GBE1: variants seen among roughly 807,000 people sequenced by gnomAD.
GBE1 encodes the protein 1,4-alpha-glucan branching enzyme 1.
Under a neutral mutation model 88.8 loss-of-function variants are expected in GBE1, and 70 were observed. The observed-to-expected ratio is 0.79, with a 90% CI of 0.65 to 0.96. The LOEUF (loss-of-function observed/expected upper bound fraction) is 0.96, where lower values mean the gene tolerates loss of function less well. Among genes scored for constraint, GBE1 ranks in the 40% least tolerant of loss-of-function variants. The probability of loss-of-function intolerance (pLI) is 0.00; values close to 1 mark genes in which losing one functional copy is unlikely to be tolerated. For missense variants in GBE1, 872 were observed against 871.0 expected (o/e 1.00, Z -0.01); for synonymous variants, 284 against 300.1 (o/e 0.95, Z 0.56).
At chr3:81,675,595 T>C (rs1374704064) in intron 2 of GBE1, among the ~76,000 whole-genome samples, 1 of 151,986 alleles carries the variant, frequency 6.6e-6, no homozygotes, top group Admixed American at 6.6e-5. Context: ...GATAACAAAA[T>C]GAATAAAAAT....
intron 3 of GBE1, among the ~76,000 whole-genome samples, chr3:81,659,696 A>T (rs960047462): frequency 1.4e-5 from 2 of 147,592 alleles, no homozygotes; most frequent in African/African-American, 2.5e-5. Context: ...AATATAAAGC[A>T]TGGAGGGAAA....
intron 7 of GBE1, among the ~76,000 whole-genome samples, chr3:81,605,377 T>A (rs187687902): frequency 6.6e-6 from 1 of 152,230 alleles, no homozygotes; most frequent in Admixed American, 6.5e-5. Flanking sequence ...AGTTCCAACA[T>A]CCAGGCATGT....
chr3:81,760,195 A>G (rs965868802), intron 1 of GBE1, among the ~76,000 whole-genome samples: 2 of 152,230 alleles, frequency 1.3e-5, no homozygotes, highest in African/African-American at 4.8e-5. Flanking sequence ...TATTTTACAG[A>G]GGCCTCATTC....
At chr3:81,511,639 G>A (rs1028308603) in intron 14 of GBE1, among the ~76,000 whole-genome samples, 6 of 151,604 alleles carry the variant, frequency 4.0e-5, no homozygotes, top group South Asian at 2.1e-4. Context: ...ATGAGAGACC[G>A]TTTTACACCA....
intron 12 of GBE1, among the ~76,000 whole-genome samples, chr3:81,576,209 A>G (rs1703645273): frequency 6.6e-6 from 1 of 151,792 alleles, no homozygotes; most frequent in Non-Finnish European, 1.5e-5. Context: ...AAGGTAATGC[A>G]TTAGGCAATG....
At chr3:81,681,009 T>C (rs954054860) in intron 2 of GBE1, among the ~76,000 whole-genome samples, 10 of 152,226 alleles carry the variant, frequency 6.6e-5, no homozygotes, top group African/African-American at 2.4e-4. Flanking sequence ...CTCAGATACT[T>C]GGGTTTGGTT....
At chr3:81,753,386 C>T (rs1398345292) in intron 1 of GBE1, among the ~76,000 whole-genome samples, 1 of 152,130 alleles carries the variant, frequency 6.6e-6, no homozygotes, top group South Asian at 2.1e-4. Flanking sequence ...CAATTTTCTC[C>T]AAAGAATACA....
intron 12 of GBE1, among the ~76,000 whole-genome samples, chr3:81,541,305 C>A (rs1361644705): frequency 6.6e-6 from 1 of 151,804 alleles, no homozygotes; most frequent in African/African-American, 2.4e-5. Context: ...CAAACACACA[C>A]CCACCCCACG....
At chr3:81,502,911 C>G (rs17019030) in intron 14 of GBE1, among the ~76,000 whole-genome samples, 1 of 152,114 alleles carries the variant, frequency 6.6e-6, no homozygotes, top group East Asian at 1.9e-4. Context: ...GTTTCCAATA[C>G]ATAGCACACA....
intron 12 of GBE1, among the ~76,000 whole-genome samples, chr3:81,547,794 C>T (rs1576143601): frequency 6.6e-6 from 1 of 151,232 alleles, no homozygotes; most frequent in South Asian, 2.1e-4. Context: ...ATCTGGTGTG[C>T]TTTGTGTGCC....
At chr3:81,650,142 T>C (rs1704824750) in intron 3 of GBE1, 1 of 350,502 alleles carries the variant, frequency 2.9e-6, no homozygotes, top group East Asian at 7.0e-5. Context: ...TTGAACATTT[T>C]ATGGCTTTCT....
chr3:81,543,398 G>A (rs1205804424), intron 12 of GBE1, among the ~76,000 whole-genome samples: 1 of 151,936 alleles, frequency 6.6e-6, no homozygotes, highest in Non-Finnish European at 1.5e-5. Context: ...GTAGACAAAC[G>A]CAACATTAAA....
Position 81,625,346 on chromosome 3 carries a change from G to A in GBE1, c.992+17435C>T, listed in dbSNP as rs534571252. Among the ~76,000 whole-genome samples the A allele has an allele frequency of 3.3e-5, 5 of 152,142 alleles. No individual in the cohort carries two copies. The East Asian group carries it at 7.7e-4, about 24-fold the overall frequency. ...ACACTTCAGTCACTGGAGGCACCTG[G>A]AGTCTGTAAATTAAGACTTTTAGAA... On this transcript the variant is annotated intron_variant, in intron 7 of 15. Coordinates refer to ENST00000429644, the MANE Select transcript of GBE1 (RefSeq NM_000158.4).
chr3:81,554,663 T>TA, intron 12 of GBE1, among the ~76,000 whole-genome samples: 1 of 151,940 alleles, frequency 6.6e-6, no homozygotes, highest in Admixed American at 6.6e-5. Context: ...GGGAAAAAAA[T>TA]AAAAAAGATT....
At chr3:81,711,261 T>G (rs557262197) in intron 1 of GBE1, among the ~76,000 whole-genome samples, 2 of 152,342 alleles carry the variant, frequency 1.3e-5, no homozygotes, top group South Asian at 4.1e-4. Flanking sequence ...AGCTGATTTT[T>G]AAGATTTTAT....
chr3:81,617,897 A>G (rs1325620825), intron 7 of GBE1, among the ~76,000 whole-genome samples: 2 of 152,010 alleles, frequency 1.3e-5, no homozygotes, highest in African/African-American at 4.8e-5. Context: ...AATTTTATTA[A>G]TAGTTACAGG....
At chr3:81,739,763 G>A (rs137945166) in intron 1 of GBE1, among the ~76,000 whole-genome samples, 1 of 151,984 alleles carries the variant, frequency 6.6e-6, no homozygotes, top group East Asian at 1.9e-4. Context: ...ATTTTACCTT[G>A]GCTTATCATC....
chr3:81,501,689 T>A (rs1301501883), intron 14 of GBE1, among the ~76,000 whole-genome samples: 1 of 84,394 alleles, frequency 1.2e-5, no homozygotes, highest in Non-Finnish European at 2.5e-5. Context: ...AGGGGCACTT[T>A]TTTTTTTTTT....
intron 7 of GBE1, among the ~76,000 whole-genome samples, chr3:81,608,311 T>C (rs892276968): frequency 6.6e-6 from 1 of 152,144 alleles, no homozygotes; most frequent in Non-Finnish European, 1.5e-5. Context: ...GGAGGCACCA[T>C]CTAGTTAAAT....
Sources: gnomAD v4.1 joint callset for allele counts (sites outside exome capture counted in the v4.1 genomes callset) on GRCh38, gnomAD v4.1.1 for gene constraint, MANE v1.5 for transcripts, NCBI Gene and HGNC (gene_info 2026-07-23, HGNC 2026-07-21) for gene names.